MALAT1: variants seen among roughly 807,000 people sequenced by gnomAD.
The protein encoded by MALAT1 is hepcarcin.
chr11:65,503,158 C>T (rs768615311), exon 3 of MALAT1: 3 of 510,280 alleles, frequency 5.9e-6, no homozygotes, highest in Admixed American at 2.0e-5. Context: ...TTCATTTCAT[C>T]TGGGAGCAGA....
At chr11:65,504,929 T>C (rs373159346) in intron 3 of MALAT1, 144 of 518,720 alleles carry the variant, frequency 2.8e-4, no homozygotes, top group Non-Finnish European at 4.5e-4. Context: ...AATGTGGGGA[T>C]TGGGAACCAC....
chr11:65,504,125 C>G (rs761949079), intron 3 of MALAT1: 1 of 516,398 alleles, frequency 1.9e-6, no homozygotes, highest in Admixed American at 2.0e-5. Context: ...AAGAATTTTC[C>G]TTTGCAGAGG....
exon 3 of MALAT1, chr11:65,499,899 G>T (rs1854501404): frequency 2.3e-6 from 1 of 431,052 alleles, no homozygotes; most frequent in Non-Finnish European, 4.5e-6. Context: ...GTTTCAGATA[G>T]AAAATGAAAA....
exon 3 of MALAT1, chr11:65,503,258 G>A: frequency 1.9e-6 from 1 of 516,938 alleles, no homozygotes; most frequent in South Asian, 1.4e-5. Context: ...GAGCTGTGGA[G>A]TTCTTAAATA....
In MALAT1 at chr11:65,499,794, ACAAG is replaced by A. The variant is rs5792358; in HGVS notation, n.1059_1062del. On this transcript the variant is annotated non_coding_transcript_exon_variant, in exon 3 of 4. Transcript: ENST00000619449. ...AAAAGTAGGAAGCAGAAGAAAAAAG[ACAAG>A]CTAGGAAACAAAAAGCTAAGGGCAA... The A allele has an allele frequency of 2.6e-3, 1,104 of 422,734 alleles. 15 individuals are homozygous for A. Among genetic ancestry groups the A allele is most frequent in the African/African-American group, 0.022 (1,032 of 47,760 alleles). 26.2% of individuals were successfully genotyped at this position (422,734 alleles called of 1,614,324 possible).
exon 3 of MALAT1, chr11:65,499,583 C>G (rs183072922): frequency 2.0e-5 from 9 of 453,216 alleles, no homozygotes; most frequent in Non-Finnish European, 2.6e-5. Flanking sequence ...AACGCATTTA[C>G]TAAACGCAGA....
chr11:65,499,454 A>G (rs1408816632), exon 3 of MALAT1: 3 of 469,392 alleles, frequency 6.4e-6, no homozygotes, highest in East Asian at 5.9e-5. Context: ...TTTAGTTTAA[A>G]AGTTGTAGGT....
rs772447230 is a variant in MALAT1 at position 65,505,113 on chromosome 11, C to T, written n.5169-1147C>T. 3.9e-5 allele frequency: 20 copies of T among 518,870 alleles called. No individual in the cohort carries two copies. In the Admixed American group the frequency reaches 3.9e-4, roughly 10 times the overall value. The allele number at this position is 518,870 out of a possible 1,614,324, so 32.1% of individuals were successfully genotyped here. ...TTCAGCTTTATGCTGGAGTAACTGG[C>T]ATGTGAGCAAACTGTGTTGGCGTGG... On this transcript the variant is annotated intron_variant and non_coding_transcript_variant, in intron 3 of 3. Transcript: ENST00000619449.
exon 3 of MALAT1, chr11:65,499,946 A>AC: frequency 2.3e-6 from 1 of 433,004 alleles, no homozygotes; most frequent in Non-Finnish European, 4.5e-6. Context: ...TATAGAAGAT[A>AC]GAAAAATATA....
exon 3 of MALAT1, chr11:65,503,838 C>T (rs1351258986): frequency 1.9e-6 from 1 of 518,016 alleles, no homozygotes; most frequent in East Asian, 5.5e-5. Context: ...AAGTGATGAG[C>T]ATATAATAAT....
At chr11:65,499,158 A>G (rs753506608) in exon 3 of MALAT1, 1 of 512,824 alleles carries the variant, frequency 1.9e-6, no homozygotes, top group South Asian at 1.4e-5. Flanking sequence ...AACTACTTAA[A>G]AAATATAGTC....
intron 1 of MALAT1, chr11:65,498,403 C>T (rs754906206): frequency 3.9e-6 from 2 of 518,442 alleles, no homozygotes; most frequent in African/African-American, 3.9e-5. Flanking sequence ...CCCCGGGGCT[C>T]AGGCGGGGAG....
At position 65,499,125 on chromosome 11, in the gene MALAT1, C is replaced by G. The variant is rs368911648; in HGVS notation, n.388C>G. ...GGAAACCGCAGATAAGTTTTTTTCT[C>G]TTTGAAAGATAGAGATTAATACAAC... On this transcript the variant is annotated non_coding_transcript_exon_variant, in exon 3 of 4. Coordinates refer to ENST00000619449, the Ensembl canonical transcript of MALAT1. 1.4e-5 allele frequency: 7 copies of G among 517,654 alleles called. No individual in the cohort carries two copies. The East Asian group carries it at 2.7e-4, about 20-fold the overall frequency. The allele number at this position is 517,654 out of a possible 1,614,324, so 32.1% of individuals were successfully genotyped here.
intron 3 of MALAT1, chr11:65,504,894 T>TA (rs1565056723): frequency 1.9e-6 from 1 of 518,900 alleles, no homozygotes; most frequent in Admixed American, 1.9e-5. Flanking sequence ...CTATTTACTT[T>TA]AAATAAACCA....
At chr11:65,497,888 G>T (rs1460804920) in intron 1 of MALAT1, 4 of 518,562 alleles carry the variant, frequency 7.7e-6, no homozygotes, top group Non-Finnish European at 1.2e-5. Flanking sequence ...TGACGCCTCC[G>T]GGAGCCCAGG....
chr11:65,502,246 T>C (rs979860099), exon 3 of MALAT1: 1 of 518,898 alleles, frequency 1.9e-6, no homozygotes, highest in Admixed American at 1.9e-5. Flanking sequence ...GCAAAAGTTG[T>C]TTGGATATGG....
chr11:65,499,379 G>C lies in MALAT1; in HGVS notation n.642G>C, dbSNP rs141994240. Reference sequence around the variant, plus strand: ...TTGAGAGAAAGGACTACAGAGCCCCGAATTAATACCAATAGAAGGGCAATG... The same window carrying C: ...TTGAGAGAAAGGACTACAGAGCCCCCAATTAATACCAATAGAAGGGCAATG... On this transcript the variant is annotated non_coding_transcript_exon_variant, in exon 3 of 4. Transcript: ENST00000619449. The C allele has an allele frequency of 2.4e-3, 1,177 of 490,402 alleles. 22 individuals carry two copies. The highest frequency in any genetic ancestry group is 0.016 in the South Asian group (1,076 of 67,840). The allele number at this position is 490,402 out of a possible 1,614,324, so 30.4% of individuals were successfully genotyped here.
exon 3 of MALAT1, chr11:65,502,881 A>G (rs907652755): frequency 4.1e-6 from 2 of 491,964 alleles, no homozygotes; most frequent in Non-Finnish European, 8.1e-6. Flanking sequence ...ACCATTTTAA[A>G]GTTAATTGCT....
At chr11:65,503,098 A>G (rs1398883282) in exon 3 of MALAT1, 1 of 509,994 alleles carries the variant, frequency 2.0e-6, no homozygotes, top group African/African-American at 1.9e-5. Context: ...GCTGTGTGCC[A>G]ATGTTTCGTT....
Sources: gnomAD v4.1 joint callset for allele counts on GRCh38, gnomAD v4.1.1 for gene constraint, MANE v1.5 for transcripts, NCBI Gene and HGNC (gene_info 2026-07-23, HGNC 2026-07-21) for gene names.